Variants in TRHDE observed in about 807,000 individuals in gnomAD.
TRHDE encodes thyrotropin-releasing hormone-degrading ectoenzyme.
A neutral mutation model predicts 125.7 loss-of-function variants in TRHDE; 72 were observed. The observed-to-expected ratio is 0.57, with a 90% CI of 0.47 to 0.70. The LOEUF (loss-of-function observed/expected upper bound fraction) is 0.70, where lower values mean the gene tolerates loss of function less well. Ranked by LOEUF, TRHDE falls within the 30% of genes least tolerant of loss-of-function variation. The probability of loss-of-function intolerance (pLI) is 0.00; values close to 1 mark genes in which losing one functional copy is unlikely to be tolerated. For synonymous variants in TRHDE, 509 were observed against 509.1 expected, an observed-to-expected ratio of 1.00 and a Z score of 0.00; for missense variants, 1,110 against 1,327.1, an observed-to-expected ratio of 0.84 and a Z score of 2.54.
At chr12:72,265,206 G>A (rs1347776497) in intron 2 of TRHDE, among the ~76,000 whole-genome samples, 1 of 151,428 alleles carries the variant, frequency 6.6e-6, no homozygotes, top group Non-Finnish European at 1.5e-5. Context: ...TGTAATTATA[G>A]CATACAAATA....
intron 15 of TRHDE, among the ~76,000 whole-genome samples, chr12:72,647,865 C>T (rs867694519): frequency 1.3e-5 from 2 of 152,022 alleles, no homozygotes; most frequent in African/African-American, 4.8e-5. Flanking sequence ...TCCTGCAATC[C>T]TTCTGAAACT....
intron 15 of TRHDE, among the ~76,000 whole-genome samples, chr12:72,631,377 ATTTTG>A (rs1400453329): frequency 6.6e-6 from 1 of 151,692 alleles, no homozygotes; most frequent in African/African-American, 2.4e-5. Context: ...AAGCTAGGTT[ATTTTG>A]TTTTGTTTTC....
rs569662936 is a variant in TRHDE, at chr12:72,554,344, C to A, written c.1789-7821C>A. Among the ~76,000 whole-genome samples the A allele has an allele frequency of 8.8e-4, 134 of 151,962 alleles. 1 individual carries two copies. Among genetic ancestry groups the A allele is most frequent in the African/African-American group, 3.2e-3 (131 of 41,430 alleles). On this transcript the variant is annotated intron_variant, in intron 7 of 18. Transcript: ENST00000261180. ...GTTTTATATCATTTTCTCTGCATACCCTTATCAGGTAAGCACTACATTATG... is the reference window on the plus strand; with the variant it reads ...GTTTTATATCATTTTCTCTGCATACACTTATCAGGTAAGCACTACATTATG...
intron 2 of TRHDE, among the ~76,000 whole-genome samples, chr12:72,157,818 A>T (rs1356914736): frequency 6.6e-6 from 1 of 152,206 alleles, no homozygotes; most frequent in Non-Finnish European, 1.5e-5. Flanking sequence ...AGATACTGAC[A>T]TTTGGATAGT....
At chr12:72,428,021 A>C (rs544383416) in intron 3 of TRHDE, among the ~76,000 whole-genome samples, 2 of 152,268 alleles carry the variant, frequency 1.3e-5, no homozygotes, top group South Asian at 4.1e-4. Flanking sequence ...ATTGTTAGGC[A>C]CTCAGACAAC....
intron 18 of TRHDE, among the ~76,000 whole-genome samples, chr12:72,658,474 C>T (rs1263217018): frequency 6.6e-6 from 1 of 152,044 alleles, no homozygotes; most frequent in Non-Finnish European, 1.5e-5. Context: ...TTTATCTCCT[C>T]TCCTCCCTAC....
At chr12:72,614,335 T>A (rs1273612829) in intron 12 of TRHDE, among the ~76,000 whole-genome samples, 2,415 of 147,332 alleles carry the variant, frequency 0.016, 75 homozygotes, top group African/African-American at 0.056. Flanking sequence ...TATATATTTT[T>A]TTTTTCTCTA....
rs138958902 is a variant in TRHDE, at chr12:72,451,863, C to G, written c.1316-17895C>G. Among the ~76,000 whole-genome samples the G allele has an allele frequency of 3.1e-3, 471 of 152,110 alleles. 1 individual carries two copies. The highest frequency in any genetic ancestry group is 0.011 in the African/African-American group (459 of 41,492). On this transcript the variant is annotated intron_variant, in intron 3 of 18. Coordinates refer to ENST00000261180, the MANE Select transcript of TRHDE (RefSeq NM_013381.3). ...TTGTTTTTCGAGATGGCATCTTGCT[C>G]TGTTGGCCAAGCTGGAACACAGTTG...
At chr12:72,309,699 A>T (rs4760757) in intron 2 of TRHDE, 2 of 151,042 alleles carry the variant, frequency 1.3e-5, no homozygotes, top group Non-Finnish European at 1.5e-5. Flanking sequence ...TTTTCCTTTC[A>T]GTTGCTCTTT....
chr12:72,527,743 G>A (rs116624242), intron 6 of TRHDE, among the ~76,000 whole-genome samples: 1,644 of 152,026 alleles, frequency 0.011, 31 homozygotes, highest in African/African-American at 0.037. Context: ...TATGCTATAT[G>A]TATTTTATAC....
At chr12:72,257,478 ACTT>A (rs996838418) in intron 2 of TRHDE, 6 of 152,198 alleles carry the variant, frequency 3.9e-5, no homozygotes, top group African/African-American at 9.6e-5. Context: ...AATCCAAAAC[ACTT>A]CTTGACCGAA....
At chr12:72,390,399 A>G (rs1379966023) in intron 3 of TRHDE, among the ~76,000 whole-genome samples, 1 of 152,142 alleles carries the variant, frequency 6.6e-6, no homozygotes, top group Non-Finnish European at 1.5e-5. Context: ...CTAGCTGGGG[A>G]TTACTGCTGA....
intron 2 of TRHDE, among the ~76,000 whole-genome samples, chr12:72,158,681 C>G (rs1876571554): frequency 6.6e-6 from 1 of 152,024 alleles, no homozygotes; most frequent in African/African-American, 2.4e-5. Flanking sequence ...TTTATGTAAC[C>G]CAGATGTCAG....
intron 2 of TRHDE, among the ~76,000 whole-genome samples, chr12:72,230,508 C>T (rs916109233): frequency 2.0e-5 from 3 of 152,096 alleles, no homozygotes; most frequent in African/African-American, 7.2e-5. Context: ...TAAAAGCTGT[C>T]CGTAGAAGTA....
intron 2 of TRHDE, among the ~76,000 whole-genome samples, chr12:72,233,437 A>G (rs975670696): frequency 8.5e-5 from 13 of 152,204 alleles, no homozygotes; most frequent in African/African-American, 2.9e-4. Context: ...AAGTGACTCG[A>G]GATGGCTAGA....
intron 1 of TRHDE, among the ~76,000 whole-genome samples, chr12:72,102,229 C>A (rs895318128): frequency 2.0e-5 from 3 of 152,060 alleles, no homozygotes; most frequent in African/African-American, 7.2e-5. Context: ...ACTCTGCTGC[C>A]CTTCAGATAA....
Position 72,426,280 on chromosome 12 carries a change from A to G in TRHDE, c.1316-43478A>G, listed in dbSNP as rs1245060862. ...GTTATTGTATTTTAATGGGTAAAAT[A>G]TGTTTGTAAGAATATGTCATATATC... On this transcript the variant is annotated intron_variant, in intron 3 of 18. Coordinates refer to ENST00000261180, the MANE Select transcript of TRHDE (RefSeq NM_013381.3). 2.6e-5 allele frequency among the ~76,000 whole-genome samples: 4 copies of G among 152,236 alleles called. No homozygotes were observed. The East Asian group carries it at 7.7e-4, about 29-fold the overall frequency.
In TRHDE at chr12:72,273,589, C is replaced by A; in HGVS notation, c.914+32C>A. 1 of 1,544,276 alleles carries A rather than the reference C, an allele frequency of 6.5e-7. No individual in the cohort carries two copies. On this transcript the variant is annotated intron_variant, in intron 1 of 18. Coordinates refer to ENST00000261180, the MANE Select transcript of TRHDE (RefSeq NM_013381.3). The surrounding 1 kb of genome is among the most constrained non-coding windows in gnomAD (Gnocchi z 5.3). ...AGGGAGGCGGTGCCCCGCGCTGCCC[C>A]ACCCCGGCGCGCGGCTCGAACCTCT...
At position 72,232,031 on chromosome 12, in the gene TRHDE, T is replaced by C. The variant is rs552212940; in HGVS notation, n.279+126279T>C. On this transcript the variant is annotated intron_variant and non_coding_transcript_variant, in intron 2 of 4. Coordinates refer to the TRHDE transcript ENST00000548156. Reference sequence around the variant, plus strand: ...TGCTAGGTAGGGACTTGTTTGAAAATGTACTTGGGATTTTGGTTTTATTCA... The same window carrying C: ...TGCTAGGTAGGGACTTGTTTGAAAACGTACTTGGGATTTTGGTTTTATTCA... Among the ~76,000 whole-genome samples, 561 of 152,128 alleles carry C rather than the reference T, an allele frequency of 3.7e-3. 3 individuals carry two copies. The highest frequency in any genetic ancestry group is 4.9e-3 in the Non-Finnish European group (335 of 68,000).
Sources: gnomAD v4.1 joint callset for allele counts (sites outside exome capture counted in the v4.1 genomes callset) on GRCh38, gnomAD v4.1.1 for gene constraint, Gnocchi (gnomAD v3.1) non-coding constraint, MANE v1.5 for transcripts, NCBI Gene and HGNC (gene_info 2026-07-23, HGNC 2026-07-21) for gene names.